The following ZNF638 variants were observed in gnomAD, a reference collection of about 807,000 sequenced individuals.
ZNF638 encodes the protein zinc finger protein 638.
In ZNF638, 46 loss-of-function variants were observed where a neutral mutation model predicts 195.6. That is an observed-to-expected ratio of 0.24 (90% CI 0.19 to 0.30). The LOEUF (loss-of-function observed/expected upper bound fraction) is 0.30. Ranked by LOEUF, ZNF638 falls within the 10% of genes least tolerant of loss-of-function variation. ZNF638 has a pLI of 1.00. For missense variants in ZNF638, 2,440 were observed against 2,325.3 expected, an observed-to-expected ratio of 1.05 and a Z score of -1.01; for synonymous variants, 845 against 772.0, an observed-to-expected ratio of 1.09 and a Z score of -1.57.
intron 11 of ZNF638, among the ~76,000 whole-genome samples, chr2:71,396,683 G>A (rs1358921783): frequency 6.6e-6 from 1 of 152,100 alleles, no homozygotes; most frequent in African/African-American, 2.4e-5. Flanking sequence ...GGTGGCTCAC[G>A]CCTATAATCC....
chr2:71,428,681 A>C (rs1462361789), intron 25 of ZNF638, 30 bp downstream of exon 25: 1 of 1,562,252 alleles, frequency 6.4e-7, no homozygotes, highest in African/African-American at 1.4e-5. Flanking sequence ...ATGGGAAGGA[A>C]AGTTACACAA....
chr2:71,408,792 A>C (rs1021613324), intron 20 of ZNF638: 8 of 415,922 alleles, frequency 1.9e-5, no homozygotes, highest in African/African-American at 1.1e-4. Flanking sequence ...AAGTAATAGG[A>C]CCTTATATGT....
At chr2:71,377,923 A>T (rs1404718713) in intron 8 of ZNF638, among the ~76,000 whole-genome samples, 1 of 152,234 alleles carries the variant, frequency 6.6e-6, no homozygotes, top group Non-Finnish European at 1.5e-5. Context: ...GGTGGGAAAA[A>T]GATTATGATT....
intron 17 of ZNF638, among the ~76,000 whole-genome samples, chr2:71,405,007 T>G (rs2080078004): frequency 6.6e-6 from 1 of 152,108 alleles, no homozygotes; most frequent in African/African-American, 2.4e-5. Flanking sequence ...CACTCTAATG[T>G]GATGTAATTG....
chr2:71,410,992 C>CCCCT (rs1553484599), intron 20 of ZNF638, among the ~76,000 whole-genome samples: 9 of 24,510 alleles, frequency 3.7e-4, no homozygotes, highest in African/African-American at 1.3e-3. Context: ...CTCCCCCCCC[C>CCCCT]TTTTTTTTTT....
At chr2:71,405,482 T>G in intron 17 of ZNF638, 119 bp from the exon 18 acceptor site, 1 of 632,758 alleles carries the variant, frequency 1.6e-6, no homozygotes, top group Non-Finnish European at 2.7e-6. Context: ...CTTCTTAATT[T>G]TATAAAATAC....
At position 71,406,130 on chromosome 2, in the gene ZNF638, A is replaced by G; in HGVS notation, c.3003A>G (p.Ala1001=). The part of the protein sequence containing the change: ...ITLVKENDPE[A]NIDTIYDRFV... Reference sequence around the variant, plus strand: ...TGCTGTCTCTTAAAAAACTACAGGCAAACATAGATACAATTTATGATCGAT... The same window carrying G: ...TGCTGTCTCTTAAAAAACTACAGGCGAACATAGATACAATTTATGATCGAT... The change falls in exon 19 of 28, where the codon GCA becomes GCG. Residue 1001 remains alanine, a splice_region_variant and synonymous_variant. Transcript: ENST00000264447. 1 of 1,613,430 alleles carries G rather than the reference A, an allele frequency of 6.2e-7. No individual in the cohort carries two copies. The highest frequency in any genetic ancestry group is 1.1e-5 in the South Asian group (1 of 91,050).
At position 71,348,820 on chromosome 2, in the gene ZNF638, C is replaced by A; in HGVS notation, c.-135C>A. On this transcript the variant is annotated 5_prime_UTR_variant, in exon 2 of 28. Coordinates refer to ENST00000264447, the MANE Select transcript of ZNF638 (RefSeq NM_014497.5). The stretch of plus-strand genomic sequence containing the variant: ...CTTGAACCTGGGCATTGCAAACCCA[C>A]TTCTGTTGGGCCCATCTCCTTTGCA... The A allele has an allele frequency of 6.3e-7, 1 of 1,595,820 alleles. No individual in the cohort carries two copies. The highest frequency in any genetic ancestry group is 8.5e-7 in the Non-Finnish European group (1 of 1,174,264).
rs2152600946 is a variant in ZNF638 at position 71,421,758 on chromosome 2, A to G, written c.3300-1056A>G. Reference sequence around the variant, plus strand: ...GATCACTCTCTGGTGTCTTTCTCCAATCTGCTGCTTCTCATTATATGAATA... The same window carrying G: ...GATCACTCTCTGGTGTCTTTCTCCAGTCTGCTGCTTCTCATTATATGAATA... On this transcript the variant is annotated intron_variant, in intron 21 of 27. Transcript: ENST00000264447. Among the ~76,000 whole-genome samples, 2 of 152,328 alleles carry G rather than the reference A, an allele frequency of 1.3e-5. 1 individual carries two copies. Among genetic ancestry groups the G allele is most frequent in the East Asian group, 3.9e-4 (2 of 5,190 alleles).
chr2:71,373,267 TTAAG>T (rs1008019185), intron 8 of ZNF638, among the ~76,000 whole-genome samples: 10 of 151,226 alleles, frequency 6.6e-5, no homozygotes, highest in East Asian at 3.9e-4. Context: ...TATTAACTGT[TTAAG>T]TGAGTTGTCT....
chr2:71,429,470 T>C (rs887732009), intron 25 of ZNF638, among the ~76,000 whole-genome samples: 3 of 152,190 alleles, frequency 2.0e-5, no homozygotes, highest in Admixed American at 2.0e-4. Context: ...CTTTCGTTTT[T>C]ATTTGCCAGA....
intron 21 of ZNF638, among the ~76,000 whole-genome samples, chr2:71,419,482 T>G (rs2080377230): frequency 1.3e-5 from 2 of 152,180 alleles, no homozygotes; most frequent in Non-Finnish European, 2.9e-5. Flanking sequence ...CTTAGCGGAT[T>G]TTTCTTCTCA....
chr2:71,361,986 C>T (rs1472187834), intron 3 of ZNF638, among the ~76,000 whole-genome samples: 2 of 152,144 alleles, frequency 1.3e-5, no homozygotes, highest in African/African-American at 4.8e-5. Context: ...AGTTTGCTGC[C>T]TCCATTTCCT....
chr2:71,410,992 C>CCCTTTT (rs1553484599), intron 20 of ZNF638, among the ~76,000 whole-genome samples: 3 of 24,506 alleles, frequency 1.2e-4, no homozygotes, highest in Non-Finnish European at 2.3e-4. Flanking sequence ...CTCCCCCCCC[C>CCCTTTT]TTTTTTTTTT....
intron 1 of ZNF638, among the ~76,000 whole-genome samples, chr2:71,342,037 A>G (rs1343490528): frequency 6.6e-6 from 1 of 152,106 alleles, no homozygotes; most frequent in African/African-American, 2.4e-5. Context: ...ATTTTCCACC[A>G]AAAGGTGGAA....
At chr2:71,388,651 GCC>G (rs767487742) in intron 10 of ZNF638, 1 of 885,050 alleles carries the variant, frequency 1.1e-6, no homozygotes, top group East Asian at 2.4e-5. Context: ...AGCAGCTGGT[GCC>G]CCTCGTGAGG....
At chr2:71,385,017 A>C (rs1018015078) in intron 10 of ZNF638, among the ~76,000 whole-genome samples, 9 of 152,186 alleles carry the variant, frequency 5.9e-5, no homozygotes, top group African/African-American at 2.2e-4. Context: ...ATTCAGGAGA[A>C]GGGAAAGCTT....
chr2:71,411,433 GT>G (rs1166472975), intron 20 of ZNF638, among the ~76,000 whole-genome samples: 2 of 141,656 alleles, frequency 1.4e-5, no homozygotes, highest in Admixed American at 7.0e-5. Flanking sequence ...GTTCTTTTGA[GT>G]TTTTTATTTT....
Position 71,423,119 on chromosome 2 carries a change from A to G in ZNF638, c.3605A>G (p.Gln1202Arg), listed in dbSNP as rs1334748098. ...AATGCCGAGGAGTGTGCTTTAAATC[A>G]GCAGATGTTTAACAGTGACTTGGAG... ...TENAEECALNQQMFNSDLEKK... is the reference protein window; with the variant it reads ...TENAEECALNRQMFNSDLEKK... Residue 1202 changes from glutamine (Q) to arginine (R), a missense_variant, in exon 22 of 28, where the codon CAG (glutamine) becomes CGG (arginine). Transcript: ENST00000264447. 1.9e-5 allele frequency: 30 copies of G among 1,614,162 alleles called. No individual in the cohort carries two copies. Among genetic ancestry groups the G allele is most frequent in the Non-Finnish European group, 2.5e-5 (30 of 1,180,002 alleles).
Sources: allele counts gnomAD v4.1 joint callset (sites outside exome capture counted in the v4.1 genomes callset), GRCh38; gene constraint gnomAD v4.1.1; transcripts MANE v1.5; gene names NCBI Gene and HGNC (gene_info 2026-07-23, HGNC 2026-07-21).